The following FRMD4A variants were observed in gnomAD, a reference collection of about 807,000 sequenced individuals.
The protein encoded by FRMD4A is FERM domain containing 4A.
A neutral mutation model predicts 129.1 loss-of-function variants in FRMD4A; 29 were observed. That is an observed-to-expected ratio of 0.22 (90% confidence interval 0.17 to 0.31). FRMD4A has a LOEUF of 0.31. Among genes scored for constraint, FRMD4A ranks in the 10% least tolerant of loss-of-function variants. The pLI is 1.00. For synonymous variants in FRMD4A, 634 were observed against 571.6 expected (o/e 1.11, Z -1.56); for missense variants, 1,272 against 1,375.8 (o/e 0.92, Z 1.19).
chr10:14,246,485 GCACA>G (rs773998844), intron 2 of FRMD4A, among the ~76,000 whole-genome samples: 2 of 151,826 alleles, frequency 1.3e-5, no homozygotes, highest in Non-Finnish European at 2.9e-5. Context: ...ACATACATAT[GCACA>G]CACATACACA....
intron 2 of FRMD4A, among the ~76,000 whole-genome samples, chr10:13,897,765 C>T (rs1025350790): frequency 7.4e-5 from 11 of 149,282 alleles, no homozygotes; most frequent in African/African-American, 2.0e-4. Context: ...GGTGAAACCC[C>T]GTCTCTGCTA....
chr10:14,242,469 T>C (rs1844082090), intron 2 of FRMD4A, among the ~76,000 whole-genome samples: 1 of 152,206 alleles, frequency 6.6e-6, no homozygotes, highest in Non-Finnish European at 1.5e-5. Flanking sequence ...TGGTGATAGA[T>C]AGCCCGCAGG....
chr10:14,033,058 G>C (rs767516588), intron 2 of FRMD4A, among the ~76,000 whole-genome samples: 2 of 152,214 alleles, frequency 1.3e-5, no homozygotes, highest in Non-Finnish European at 2.9e-5. Flanking sequence ...TATAATCCCA[G>C]CACTTTGGGA....
chr10:14,253,856 G>A (rs924808927), intron 2 of FRMD4A, among the ~76,000 whole-genome samples: 1 of 152,186 alleles, frequency 6.6e-6, no homozygotes, highest in African/African-American at 2.4e-5. Flanking sequence ...TGCTTGGCAG[G>A]TAATGTTGTA....
chr10:14,067,265 G>A (rs540015843), intron 2 of FRMD4A, among the ~76,000 whole-genome samples: 6 of 151,966 alleles, frequency 3.9e-5, no homozygotes, highest in East Asian at 1.9e-4. Flanking sequence ...GCAGTGAGCC[G>A]AGACCATGCC....
At chr10:14,088,746 A>C (rs1404434124) in intron 2 of FRMD4A, among the ~76,000 whole-genome samples, 1 of 140,628 alleles carries the variant, frequency 7.1e-6, no homozygotes, top group African/African-American at 2.7e-5. Flanking sequence ...AGATCACGCC[A>C]CTGCACTCCA....
At chr10:13,651,702 T>G in intron 24 of FRMD4A, 1 of 582,210 alleles carries the variant, frequency 1.7e-6, no homozygotes, top group Non-Finnish European at 3.1e-6. Flanking sequence ...GGGTCTTTTC[T>G]GGGAAGCAGT....
chr10:13,733,279 C>T (rs1376098731), intron 12 of FRMD4A, among the ~76,000 whole-genome samples: 1 of 152,184 alleles, frequency 6.6e-6, no homozygotes, highest in Non-Finnish European at 1.5e-5. Context: ...ACAGGCACCC[C>T]GTTTAGGTCT....
chr10:13,791,058 C>T (rs1038269918), intron 5 of FRMD4A, among the ~76,000 whole-genome samples: 11 of 152,052 alleles, frequency 7.2e-5, no homozygotes, highest in Admixed American at 2.0e-4. Flanking sequence ...CATGCATTTG[C>T]GTGTGTGCAG....
At chr10:13,708,525 C>A (rs1329335182) in intron 12 of FRMD4A, among the ~76,000 whole-genome samples, 1 of 152,188 alleles carries the variant, frequency 6.6e-6, no homozygotes, top group African/African-American at 2.4e-5. Flanking sequence ...CCTCTTTTGT[C>A]CCCGGCTCAG....
At chr10:14,051,300 C>T (rs1036691584) in intron 2 of FRMD4A, among the ~76,000 whole-genome samples, 68 of 152,208 alleles carry the variant, frequency 4.5e-4, no homozygotes, top group African/African-American at 1.6e-3. Context: ...TGCTTATATG[C>T]TCAGCCACAG....
At chr10:13,785,244 A>C (rs894252620) in intron 5 of FRMD4A, among the ~76,000 whole-genome samples, 8 of 152,216 alleles carry the variant, frequency 5.3e-5, no homozygotes, top group Admixed American at 4.6e-4. Flanking sequence ...GTAACTTCAG[A>C]CATTAAATTT....
intron 5 of FRMD4A, among the ~76,000 whole-genome samples, chr10:13,783,543 C>CCTTA (rs56398936): frequency 6.7e-6 from 1 of 149,944 alleles, no homozygotes; most frequent in Non-Finnish European, 1.5e-5. Context: ...TACCACCACG[C>CCTTA]CTAATTTTTT....
intron 2 of FRMD4A, among the ~76,000 whole-genome samples, chr10:14,106,954 G>A (rs949593766): frequency 2.0e-5 from 3 of 152,156 alleles, no homozygotes; most frequent in African/African-American, 2.4e-5. Context: ...CAACCTAAGT[G>A]CCCAGCAATG....
At chr10:13,903,084 T>G (rs529446137) in intron 2 of FRMD4A, among the ~76,000 whole-genome samples, 1 of 152,280 alleles carries the variant, frequency 6.6e-6, no homozygotes, top group Non-Finnish European at 1.5e-5. Flanking sequence ...CCAGGGCCTT[T>G]GCACTTCCAT....
At chr10:13,662,348 T>C (rs1007082272) in intron 19 of FRMD4A, among the ~76,000 whole-genome samples, 3 of 152,224 alleles carry the variant, frequency 2.0e-5, no homozygotes, top group African/African-American at 7.2e-5. Flanking sequence ...GCAATCATTA[T>C]TATTATTGCA....
chr10:14,312,573 T>C (rs1006147829), intron 2 of FRMD4A, among the ~76,000 whole-genome samples: 1 of 152,170 alleles, frequency 6.6e-6, no homozygotes, highest in Non-Finnish European at 1.5e-5. Context: ...TAGTTTATAA[T>C]TATAAAATAT....
chr10:14,221,555 G>A (rs983923995), intron 2 of FRMD4A, among the ~76,000 whole-genome samples: 13 of 152,050 alleles, frequency 8.5e-5, no homozygotes, highest in African/African-American at 3.1e-4. Context: ...TAACCTTAGG[G>A]AGAAGTCTGA....
At chr10:14,277,613 C>T (rs1340914756) in intron 2 of FRMD4A, among the ~76,000 whole-genome samples, 1 of 152,212 alleles carries the variant, frequency 6.6e-6, no homozygotes, top group Non-Finnish European at 1.5e-5. Flanking sequence ...TTATAGCAGC[C>T]CGAACAAACC....
Sources: gnomAD v4.1 joint callset for allele counts (sites outside exome capture counted in the v4.1 genomes callset) on GRCh38, gnomAD v4.1.1 for gene constraint, MANE v1.5 for transcripts, NCBI Gene and HGNC (gene_info 2026-07-23, HGNC 2026-07-21) for gene names.